NEB: variants seen among roughly 807,000 people sequenced by gnomAD.
The protein encoded by NEB is nebulin, also known as nemaline myopathy type 2.
A neutral mutation model predicts 952.2 loss-of-function variants in NEB; 512 were observed. That is an observed-to-expected ratio of 0.54 (90% confidence interval 0.50 to 0.58). The LOEUF (loss-of-function observed/expected upper bound fraction) is 0.58. Ranked by LOEUF, NEB falls within the 20% of genes least tolerant of loss-of-function variation. The probability of loss-of-function intolerance (pLI) is 0.00; values close to 1 mark genes in which losing one functional copy is unlikely to be tolerated. For synonymous variants in NEB, 2,900 were observed against 3,149.8 expected (o/e 0.92, Z 2.66); for missense variants, 8,428 against 9,231.1 (o/e 0.91, Z 3.56).
chr2:151,572,400 CTT>C (rs1270436685), intron 107 of NEB, among the ~76,000 whole-genome samples: 1 of 150,526 alleles, frequency 6.6e-6, no homozygotes, highest in Non-Finnish European at 1.5e-5. Flanking sequence ...TATCTTTTTA[CTT>C]TTTGTTTTCA....
In NEB at chr2:151,694,350, G is replaced by A; in HGVS notation, c.1869C>T (p.Ser623=). 6.2e-7 allele frequency: 1 copy of A among 1,613,960 alleles called. No individual in the cohort carries two copies. The highest frequency in any genetic ancestry group is 8.5e-7 in the Non-Finnish European group (1 of 1,179,872). The change falls in exon 20 of 182, where the codon TCC becomes TCT. Residue 623 remains serine, a synonymous_variant. Coordinates refer to ENST00000397345, the MANE Select transcript of NEB (RefSeq NM_001164508.2). ...SINDDPKMLH[S]LKVAKNQSDR... is the part of the protein sequence containing the mutation. ...CACTCTGGTTTTTGGCCACCTTCAA[G>A]GAGTGCAGCATCTTGGGATCGTCAT...
chr2:151,619,905 T>G (rs1560524481), intron 72 of NEB, 143 bp from the exon 73 acceptor site: 1 of 826,006 alleles, frequency 1.2e-6, no homozygotes. Flanking sequence ...CATATTGGAC[T>G]GTTGTGCTCA....
rs1380251124 is a variant in NEB, at chr2:151,568,088, T to C, written c.17827A>G (p.Asn5943Asp). The C allele has an allele frequency of 6.8e-6, 11 of 1,613,512 alleles. No individual in the cohort carries two copies. The highest frequency in any genetic ancestry group is 2.2e-5 in the South Asian group (2 of 91,002). Residue 5943 changes from asparagine (N) to aspartate (D), a missense_variant, in exon 113 of 182, where the codon AAT (asparagine) becomes GAT (aspartate). Asn to Asp is a conservative substitution (Grantham distance 23). Transcript: ENST00000397345. ...TGTATTACCTCACTCTGAACGTCAT[T>C]GCAGTGATGGGCATGAACAAATGGC... ...AVPFVHAHHC[N>D]DVQSELKYKA...
Position 151,671,064 on chromosome 2 carries a change from C to A in NEB, c.4465G>T (p.Gly1489Cys). 3 of 1,613,926 alleles carry A rather than the reference C, an allele frequency of 1.9e-6. No homozygotes were observed. The highest frequency in any genetic ancestry group is 2.5e-6 in the Non-Finnish European group (3 of 1,179,858). The change falls in exon 38 of 182, where the codon GGC becomes TGC. Residue 1489 changes from glycine to cysteine, a missense_variant. By Grantham distance (159) the Gly-to-Cys change is radical. Coordinates refer to ENST00000397345, the MANE Select transcript of NEB (RefSeq NM_001164508.2). ...GTGTTATGCTGAGCCAACACCATGC[C>A]CATGGAATCAGGCACACTTGTGAAC... ...VKFTSVPDSMGMVLAQHNTKQ... is the reference protein window; with the variant it reads ...VKFTSVPDSMCMVLAQHNTKQ...
At chr2:151,537,542 G>A (rs1189882486) in intron 140 of NEB, among the ~76,000 whole-genome samples, 1 of 152,132 alleles carries the variant, frequency 6.6e-6, no homozygotes, top group Non-Finnish European at 1.5e-5. Flanking sequence ...AACTTTCTAA[G>A]TGAGCATTGT....
chr2:151,574,736 T>TTATTTATTTATTTATG lies in NEB; in HGVS notation c.17013+958_17013+959insCATAAATAAATAAATA, dbSNP rs1275960166. 2.0e-5 allele frequency among the ~76,000 whole-genome samples: 3 copies of TTATTTATTTATTTATG among 151,620 alleles called. No individual in the cohort carries two copies. In the East Asian group the frequency reaches 5.8e-4, roughly 29 times the overall value. Reference sequence around the variant, plus strand: ...TACAGTTTAAATTTTATTTATTTATTTATTTATTTATTTGAGACAGGGTCT... The same window carrying TTATTTATTTATTTATG: ...TACAGTTTAAATTTTATTTATTTATTTATTTATTTATTTATGTATTTATTTATTTGAGACAGGGTCT... On this transcript the variant is annotated intron_variant, in intron 107 of 181. Transcript: ENST00000397345.
rs78733601 is a variant in NEB at position 151,655,360 on chromosome 2, A to C, written c.6717T>G (p.Ile2239Met). 3.7e-3 allele frequency: 5,877 copies of C among 1,581,574 alleles called. 116 individuals carry two copies. In the East Asian group the frequency reaches 0.055, roughly 15 times the overall value. The stretch of plus-strand genomic sequence containing the variant: ...TCTTGGTCTTATCTTTATTCCAATC[A>C]ATGGTGTATAAATGCTAGGAAGTGG... ...AHTMNKHLYT[I>M]DWNKDKTKIH... Residue 2239 changes from isoleucine (I) to methionine (M), a missense_variant, in exon 51 of 182, where the codon ATT becomes ATG. This residue lies in a region of NEB where 2,851 missense variants were observed against 2,791.5 expected (regional missense o/e 1.02). Coordinates refer to ENST00000397345, the MANE Select transcript of NEB (RefSeq NM_001164508.2).
intron 141 of NEB, 118 bp from the exon 142 acceptor site, chr2:151,535,913 G>A (rs558588239): frequency 2.3e-5 from 14 of 612,144 alleles, no homozygotes; most frequent in Admixed American, 5.8e-5. Flanking sequence ...ACACATATTC[G>A]TTTGTTTGTT....
At position 151,535,733 on chromosome 2, in the gene NEB, C is replaced by A. The variant is rs368887173; in HGVS notation, c.21270G>T (p.Pro7090=). The change falls in exon 142 of 182, where the codon CCG becomes CCT. Residue 7090 remains proline (P), a synonymous_variant. Coordinates refer to ENST00000397345, the MANE Select transcript of NEB (RefSeq NM_001164508.2). ...KSDFKYVADS[P]INRHFKYATQ... ...TTGCATACTTGAAATGCCTATTGATCGGAGAGTCGGCAACATACTTGAAAT... is the reference window on the plus strand; with the variant it reads ...TTGCATACTTGAAATGCCTATTGATAGGAGAGTCGGCAACATACTTGAAAT... 48 of 1,609,440 alleles carry A rather than the reference C, an allele frequency of 3.0e-5. 1 individual carries two copies. In the African/African-American group the frequency reaches 4.5e-4, roughly 15 times the overall value.
chr2:151,546,090 G>T, intron 134 of NEB, 92 bp from the exon 135 acceptor site: 2 of 884,064 alleles, frequency 2.3e-6, no homozygotes, highest in Non-Finnish European at 3.5e-6. Flanking sequence ...GCATGTGTAA[G>T]CTGAGCAGGG....
chr2:151,551,673 GCTTGCTTCC>G, intron 129 of NEB, 56 bp downstream of exon 129: 1 of 1,289,888 alleles, frequency 7.8e-7, no homozygotes, highest in Non-Finnish European at 1.1e-6. Flanking sequence ...AGCAAGCTCA[GCTTGCTTCC>G]ACAGAGGCTG....
chr2:151,546,372 G>C lies in NEB; in HGVS notation c.20439C>G (p.Val6813=), dbSNP rs2094691380. The change falls in exon 134 of 182, where the codon GTC becomes GTG. Residue 6813 remains valine, a synonymous_variant. Transcript: ENST00000397345. ...AGAGCTTCCGCAGGTGCCGGGAGCG[G>C]ACCATGTCAGGAGTGTCATACAGGA... ...GCFLYDTPDM[V]RSRHLRKLWS... is the part of the protein sequence containing the mutation. 2 of 1,613,204 alleles carry C rather than the reference G, an allele frequency of 1.2e-6. No homozygotes were observed. The highest frequency in any genetic ancestry group is 1.7e-4 in the Middle Eastern group (1 of 6,028).
chr2:151,718,409 C>G (rs558185248), intron 9 of NEB, among the ~76,000 whole-genome samples: 2 of 152,272 alleles, frequency 1.3e-5, no homozygotes, highest in South Asian at 4.1e-4. Context: ...GCCATTTTGT[C>G]TTCAAGGAAA....
At position 151,671,386 on chromosome 2, in the gene NEB, G is replaced by C. The variant is rs1014356724; in HGVS notation, c.4300-157C>G. 1.6e-5 allele frequency: 10 copies of C among 635,068 alleles called. No individual in the cohort carries two copies. In the Admixed American group the frequency reaches 2.0e-4, roughly 13 times the overall value. The allele number at this position is 635,068 out of a possible 1,614,324, so 39.3% of individuals were successfully genotyped here. On this transcript the variant is annotated intron_variant, in intron 37 of 181. Coordinates refer to ENST00000397345, the MANE Select transcript of NEB (RefSeq NM_001164508.2). ...GAGCTTATCTGGAGTGTGGTAATAA[G>C]AAGAAGCTGTTCTGTTGTTAGAGTG...
chr2:151,643,584 G>GA, intron 57 of NEB, among the ~76,000 whole-genome samples: 1 of 152,254 alleles, frequency 6.6e-6, no homozygotes, highest in Non-Finnish European at 1.5e-5. Context: ...CATAGGAAAG[G>GA]ACTCAATCCT....
rs751657802 is a variant in NEB at position 151,671,175 on chromosome 2, T to G, written c.4354A>C (p.Ile1452Leu). ...SFLKGIGWIP[I>L]GSLEVEKVKK... Reference sequence around the variant, plus strand: ...ACCTTCTCCACCTCCAGGGAACCAATAGGGATCCATCCGATGCCCTTCAAG... The same window carrying G: ...ACCTTCTCCACCTCCAGGGAACCAAGAGGGATCCATCCGATGCCCTTCAAG... The change falls in exon 38 of 182, where the codon ATT (isoleucine) becomes CTT (leucine). Residue 1452 changes from isoleucine (I) to leucine (L), a missense_variant. Physicochemically the swap from Ile to Leu is conservative, Grantham distance 5. This residue lies in a region of NEB where 2,851 missense variants were observed against 2,791.5 expected (regional missense o/e 1.02). Coordinates refer to ENST00000397345, the MANE Select transcript of NEB (RefSeq NM_001164508.2). 1.2e-6 allele frequency: 2 copies of G among 1,613,956 alleles called. No individual in the cohort carries two copies. The highest frequency in any genetic ancestry group is 3.3e-5 in the Admixed American group (2 of 60,030).
intron 13 of NEB, among the ~76,000 whole-genome samples, chr2:151,706,490 T>C (rs1304115034): frequency 6.6e-6 from 1 of 152,222 alleles, no homozygotes; most frequent in Non-Finnish European, 1.5e-5. Flanking sequence ...TTTTAAGTTC[T>C]GTTGTTGGCA....
chr2:151,711,480 T>G (rs1406757541), intron 10 of NEB, among the ~76,000 whole-genome samples: 1 of 152,212 alleles, frequency 6.6e-6, no homozygotes, highest in Admixed American at 6.5e-5. Flanking sequence ...GTGAGTGATG[T>G]GCAGAGTCAA....
In NEB at chr2:151,677,909, C is replaced by T. The variant is rs771130340; in HGVS notation, c.3534G>A (p.Glu1178=). ...GTATCTGCATCATGTTCTTAGACAG[C>T]TCCAGGTCCATGGCGTCAGGCAAGT... is the stretch of plus-strand genomic sequence containing the variant. ...YTYLPDAMDL[E]LSKNMMQIQS... is the part of the protein sequence containing the mutation. Residue 1178 remains glutamate (E), a synonymous_variant, in exon 33 of 182, where the codon GAG becomes GAA. Transcript: ENST00000397345. The T allele has an allele frequency of 6.2e-7, 1 of 1,613,140 alleles. No homozygotes were observed. Among genetic ancestry groups the T allele is most frequent in the South Asian group, 1.1e-5 (1 of 90,920 alleles).
Sources: allele counts gnomAD v4.1 joint callset (sites outside exome capture counted in the v4.1 genomes callset), GRCh38; gene constraint gnomAD v4.1.1; regional missense constraint gnomAD v4.1.1; transcripts MANE v1.5; gene names NCBI Gene and HGNC (gene_info 2026-07-23, HGNC 2026-07-21).